ZNF90: variants seen among roughly 807,000 people sequenced by gnomAD.
ZNF90 encodes zinc finger protein HTF9.
A neutral mutation model predicts 12.0 loss-of-function variants in ZNF90; 11 were observed. The observed-to-expected ratio is 0.92, with a 90% CI of 0.58 to 1.52. The LOEUF (loss-of-function observed/expected upper bound fraction) is 1.52, where lower values mean the gene tolerates loss of function less well. ZNF90 is among the 40% of genes most tolerant of loss of function. The pLI is 0.00. For synonymous variants in ZNF90, 232 were observed against 240.1 expected (o/e 0.97, Z 0.31); for missense variants, 765 against 711.5 (o/e 1.08, Z -0.86).
chr19:20,089,420 T>A (rs1389018873), intron 1 of ZNF90, among the ~76,000 whole-genome samples: 1 of 152,120 alleles, frequency 6.6e-6, no homozygotes, highest in East Asian at 1.9e-4. Flanking sequence ...AGAGGGCTTG[T>A]CTGTAATATG....
At chr19:20,088,557 C>T (rs1231863397) in intron 1 of ZNF90, among the ~76,000 whole-genome samples, 2 of 152,104 alleles carry the variant, frequency 1.3e-5, no homozygotes, top group African/African-American at 4.8e-5. Flanking sequence ...AGTTTTTGGG[C>T]TCTATCCTTG....
intron 1 of ZNF90, among the ~76,000 whole-genome samples, chr19:20,079,027 G>C (rs544445832): frequency 6.6e-6 from 1 of 150,568 alleles, no homozygotes; most frequent in Non-Finnish European, 1.5e-5. Flanking sequence ...GCTGAGGCCC[G>C]AGAATTGCTT....
At chr19:20,091,760 G>GC (rs1456772639) in intron 1 of ZNF90, among the ~76,000 whole-genome samples, 3 of 151,524 alleles carry the variant, frequency 2.0e-5, no homozygotes, top group African/African-American at 7.2e-5. Flanking sequence ...ACCTCTTTCA[G>GC]CCCATATGAC....
intron 1 of ZNF90, among the ~76,000 whole-genome samples, chr19:20,079,291 G>A (rs2088802621): frequency 2.0e-5 from 3 of 148,848 alleles, no homozygotes; most frequent in African/African-American, 7.6e-5. Flanking sequence ...CTAATATTAA[G>A]CCTGCAAAAG....
chr19:20,105,073 G>C, intron 2 of ZNF90, 148 bp from the exon 3 acceptor site: 1 of 418,358 alleles, frequency 2.4e-6, no homozygotes, highest in Non-Finnish European at 4.1e-6. Context: ...TGATTTGAAA[G>C]TATTTTCTAA....
At chr19:20,096,495 C>A (rs2088947315) in intron 1 of ZNF90, among the ~76,000 whole-genome samples, 1 of 151,852 alleles carries the variant, frequency 6.6e-6, no homozygotes, top group Admixed American at 6.6e-5. Flanking sequence ...AGGAAAATTA[C>A]AGTCAAAGGG....
intron 1 of ZNF90, among the ~76,000 whole-genome samples, chr19:20,091,732 C>A (rs1555702740): frequency 6.6e-6 from 1 of 151,488 alleles, no homozygotes; most frequent in African/African-American, 2.4e-5. Context: ...TGATGGAGGA[C>A]CCTTGTGTAG....
intron 1 of ZNF90, among the ~76,000 whole-genome samples, chr19:20,086,687 C>T (rs2088862145): frequency 6.6e-6 from 1 of 152,042 alleles, no homozygotes; most frequent in Admixed American, 6.5e-5. Flanking sequence ...AAACTATACA[C>T]ATACTATATA....
At chr19:20,116,090 C>T (rs2089134831) in intron 3 of ZNF90, among the ~76,000 whole-genome samples, 1 of 152,130 alleles carries the variant, frequency 6.6e-6, no homozygotes, top group African/African-American at 2.4e-5. Context: ...CTATGCTGAC[C>T]TTGAACTCCT....
At chr19:20,113,687 G>T (rs1339818840) in intron 3 of ZNF90, among the ~76,000 whole-genome samples, 10 of 152,000 alleles carry the variant, frequency 6.6e-5, no homozygotes, top group African/African-American at 2.4e-4. Flanking sequence ...AATTCGCCGG[G>T]CGTGTTGGCG....
intron 1 of ZNF90, among the ~76,000 whole-genome samples, chr19:20,103,459 T>C (rs942463195): frequency 7.2e-5 from 11 of 152,330 alleles, no homozygotes; most frequent in Non-Finnish European, 4.4e-5. Context: ...TATTCTTCTG[T>C]GCGCATTAGC....
In ZNF90 at chr19:20,119,712, C is replaced by T. The variant is rs1264995198; in HGVS notation, c.*352C>T. 1.6e-5 allele frequency: 3 copies of T among 186,392 alleles called. No homozygotes were observed. Among genetic ancestry groups the T allele is most frequent in the African/African-American group, 4.8e-5 (2 of 41,882 alleles). The allele number at this position is 186,392 out of a possible 1,614,324, so 11.5% of individuals were successfully genotyped here. A position where few individuals can be genotyped will look rare whatever the true frequency, so the allele number is the denominator to read the frequency against. The stretch of plus-strand genomic sequence containing the variant: ...CTCTGCTCACTGCAACCTCTTCCTC[C>T]TGGTTCAAGCCATTAACCTGCTTCA... On this transcript the variant is annotated 3_prime_UTR_variant, in exon 4 of 4. Transcript: ENST00000418063.
intron 1 of ZNF90, among the ~76,000 whole-genome samples, chr19:20,084,880 G>A (rs2088846870): frequency 6.6e-6 from 1 of 152,088 alleles, no homozygotes; most frequent in Non-Finnish European, 1.5e-5. Context: ...TGTTTACTCT[G>A]TTGATAGTTT....
intron 1 of ZNF90, among the ~76,000 whole-genome samples, chr19:20,093,489 G>C (rs892696318): frequency 1.3e-5 from 2 of 152,112 alleles, no homozygotes; most frequent in Non-Finnish European, 2.9e-5. Context: ...ATGAGAGGAA[G>C]ATGCGAAGGA....
At chr19:20,094,476 C>A (rs1381002917) in intron 1 of ZNF90, among the ~76,000 whole-genome samples, 4 of 152,178 alleles carry the variant, frequency 2.6e-5, no homozygotes, top group Admixed American at 2.6e-4. Flanking sequence ...TGGGTAGTTT[C>A]TTTAAGTTTG....
intron 1 of ZNF90, among the ~76,000 whole-genome samples, chr19:20,082,768 T>G (rs2088829961): frequency 6.6e-6 from 1 of 152,062 alleles, no homozygotes; most frequent in African/African-American, 2.4e-5. Flanking sequence ...AAAGGGTCTG[T>G]GCTGAGGAGG....
At chr19:20,103,963 AATGTAC>A (rs1253020155) in intron 1 of ZNF90, among the ~76,000 whole-genome samples, 1 of 152,190 alleles carries the variant, frequency 6.6e-6, no homozygotes, top group Non-Finnish European at 1.5e-5. Context: ...AGCACTCAAA[AATGTAC>A]ATGTTCATGT....
At chr19:20,082,739 C>CCCCAGCCCATT (rs2088829616) in intron 1 of ZNF90, among the ~76,000 whole-genome samples, 1 of 152,108 alleles carries the variant, frequency 6.6e-6, no homozygotes, top group African/African-American at 2.4e-5. Flanking sequence ...ACCTGACCAT[C>CCCCAGCCCATT]CCCCAGCCCG....
intron 1 of ZNF90, among the ~76,000 whole-genome samples, chr19:20,089,612 G>T (rs1483093052): frequency 6.6e-6 from 1 of 152,164 alleles, no homozygotes. Context: ...AAATAGGGGG[G>T]AAGTAGAGTT....
Sources: gnomAD v4.1 joint callset for allele counts (sites outside exome capture counted in the v4.1 genomes callset) on GRCh38, gnomAD v4.1.1 for gene constraint, MANE v1.5 for transcripts, NCBI Gene and HGNC (gene_info 2026-07-23, HGNC 2026-07-21) for gene names.